FRMD6: variants seen among roughly 807,000 people sequenced by gnomAD.
The protein encoded by FRMD6 is FERM domain-containing protein 6.
FRMD6 carries 37 observed loss-of-function variants against 73.2 expected under a neutral mutation model. The observed-to-expected ratio is 0.51, with a 90% CI of 0.39 to 0.66. The LOEUF is 0.66. Among genes scored for constraint, FRMD6 ranks in the 30% least tolerant of loss-of-function variants. The probability of loss-of-function intolerance (pLI) is 0.00; values close to 1 mark genes in which losing one functional copy is unlikely to be tolerated. For synonymous variants in FRMD6, 273 were observed against 282.2 expected (o/e 0.97, Z 0.33); for missense variants, 714 against 780.5 (o/e 0.91, Z 1.02).
chr14:51,721,167 C>T (rs1897538076), intron 11 of FRMD6, among the ~76,000 whole-genome samples: 1 of 152,162 alleles, frequency 6.6e-6, no homozygotes, highest in Non-Finnish European at 1.5e-5. Context: ...TGTCAGTGAG[C>T]CTTGCTTTGG....
At chr14:51,699,232 A>G (rs1896136310) in intron 3 of FRMD6, among the ~76,000 whole-genome samples, 1 of 152,096 alleles carries the variant, frequency 6.6e-6, no homozygotes, top group Non-Finnish European at 1.5e-5. Flanking sequence ...CTTGTGAATC[A>G]GCCATTTGCT....
At position 51,670,861 on chromosome 14, in the gene FRMD6, G is replaced by A. The variant is rs1893957110; in HGVS notation, c.-146-18830G>A. 4.6e-5 allele frequency among the ~76,000 whole-genome samples: 7 copies of A among 152,132 alleles called. No individual in the cohort carries two copies. The South Asian group carries it at 1.5e-3, about 32-fold the overall frequency. On this transcript the variant is annotated intron_variant, in intron 1 of 13. Transcript: ENST00000344768. Reference sequence around the variant, plus strand: ...GGGGTTTCGTCATGTTGGCCAGGCTGGTCTCGAATTCCTGACCTCAGGTGA... The same window carrying A: ...GGGGTTTCGTCATGTTGGCCAGGCTAGTCTCGAATTCCTGACCTCAGGTGA...
At chr14:51,501,950 C>T (rs1221271760) in intron 1 of FRMD6, among the ~76,000 whole-genome samples, 5 of 152,108 alleles carry the variant, frequency 3.3e-5, no homozygotes, top group African/African-American at 1.2e-4. Flanking sequence ...CATTGTGGTT[C>T]TGATTTGCAT....
At chr14:51,413,072 C>A in the FRMD6 span, among the ~76,000 whole-genome samples, 1 of 149,750 alleles carries the variant, frequency 6.7e-6, no homozygotes, top group Admixed American at 6.7e-5. Context: ...CTCACTGCAA[C>A]CTCTGCCTCC....
At chr14:51,446,293 T>G in the FRMD6 span, among the ~76,000 whole-genome samples, 2 of 152,168 alleles carry the variant, frequency 1.3e-5, no homozygotes, top group African/African-American at 2.4e-5. Flanking sequence ...GCTTCTCCTT[T>G]TCATCTTTGG....
intron 2 of FRMD6, among the ~76,000 whole-genome samples, chr14:51,622,009 A>C (rs1333734975): frequency 1.3e-5 from 2 of 152,230 alleles, no homozygotes; most frequent in African/African-American, 4.8e-5. Context: ...CTGTTCTGGC[A>C]AACCAGGACT....
At chr14:51,569,507 C>CT (rs34661155) in intron 1 of FRMD6, among the ~76,000 whole-genome samples, 1,619 of 122,776 alleles carry the variant, frequency 0.013, 36 homozygotes, top group African/African-American at 0.044. Flanking sequence ...TTCTTTCTTT[C>CT]TTTTTTTTTT....
chr14:51,589,476 G>A (rs1446803817), intron 2 of FRMD6, among the ~76,000 whole-genome samples: 3 of 151,990 alleles, frequency 2.0e-5, no homozygotes, highest in African/African-American at 7.3e-5. Flanking sequence ...ATCTGCTTGG[G>A]TTGAAGAAGG....
intron 1 of FRMD6, among the ~76,000 whole-genome samples, chr14:51,666,449 T>C (rs1893601070): frequency 1.3e-5 from 2 of 152,220 alleles, no homozygotes; most frequent in South Asian, 4.1e-4. Flanking sequence ...CAGATTTAAA[T>C]AATGGAGTAC....
chr14:51,661,227 A>G (rs754022889), intron 1 of FRMD6, among the ~76,000 whole-genome samples: 5 of 152,214 alleles, frequency 3.3e-5, no homozygotes, highest in Non-Finnish European at 5.9e-5. Context: ...CTTGGGGAAT[A>G]TGTGTAGTCA....
chr14:51,647,187 G>A (rs1659316396), upstream of FRMD6, among the ~76,000 whole-genome samples: 1 of 151,940 alleles, frequency 6.6e-6, no homozygotes. Flanking sequence ...TGATGATCAG[G>A]AGAATAGAAT....
At chr14:51,476,005 C>T in the FRMD6 span, among the ~76,000 whole-genome samples, 13 of 152,144 alleles carry the variant, frequency 8.5e-5, no homozygotes, top group South Asian at 2.1e-4. Context: ...CATTTGCCCC[C>T]GGCTATTTTA....
intron 2 of FRMD6, among the ~76,000 whole-genome samples, chr14:51,637,001 A>G (rs1010831793): frequency 6.6e-6 from 1 of 152,146 alleles, no homozygotes; most frequent in Admixed American, 6.5e-5. Flanking sequence ...AGGTGGGAGG[A>G]TGGCTTAAGC....
Position 51,701,513 on chromosome 14 carries a change from G to T in FRMD6, c.294+354G>T, listed in dbSNP as rs1415886948. On this transcript the variant is annotated intron_variant, in intron 4 of 13. Coordinates refer to ENST00000344768, the MANE Select transcript of FRMD6 (RefSeq NM_001267046.2). ...TTAGTATATATAGAAAATGGGAAAA[G>T]AAAATTATAAGTTCTAAAGTGTATA... Among the ~76,000 whole-genome samples the T allele has an allele frequency of 3.4e-5, 5 of 145,186 alleles. No individual in the cohort carries two copies. The East Asian group carries it at 9.9e-4, about 29-fold the overall frequency.
intron 13 of FRMD6, among the ~76,000 whole-genome samples, chr14:51,726,167 G>C (rs1418343990): frequency 6.6e-6 from 1 of 152,180 alleles, no homozygotes; most frequent in African/African-American, 2.4e-5. Context: ...ATGTGTCTGT[G>C]TGTGTTGCTT....
At chr14:51,473,615 C>G in the FRMD6 span, among the ~76,000 whole-genome samples, 10 of 152,310 alleles carry the variant, frequency 6.6e-5, no homozygotes, top group African/African-American at 2.4e-4. Flanking sequence ...AAAAACCTCT[C>G]TTGCTGATTC....
chr14:51,520,891 T>C (rs568920141), intron 1 of FRMD6, among the ~76,000 whole-genome samples: 18 of 151,996 alleles, frequency 1.2e-4, no homozygotes, highest in African/African-American at 4.3e-4. Flanking sequence ...GCCTGGGCAA[T>C]AGAGTGAGAC....
intron 1 of FRMD6, among the ~76,000 whole-genome samples, chr14:51,670,748 C>T (rs969078345): frequency 4.6e-5 from 7 of 151,634 alleles, no homozygotes; most frequent in South Asian, 2.1e-4. Flanking sequence ...TGGGTTCAAG[C>T]GATTCTCCTG....
At chr14:51,707,979 C>A in intron 6 of FRMD6, 99 bp from the exon 7 acceptor site, 1 of 1,112,020 alleles carries the variant, frequency 9.0e-7, no homozygotes, top group Non-Finnish European at 1.3e-6. Flanking sequence ...GTTTACATGG[C>A]CTATTTTAGC....
Sources: gnomAD v4.1 joint callset for allele counts (sites outside exome capture counted in the v4.1 genomes callset) on GRCh38, gnomAD v4.1.1 for gene constraint, MANE v1.5 for transcripts, NCBI Gene and HGNC (gene_info 2026-07-23, HGNC 2026-07-21) for gene names.